DAB1: variants seen among roughly 807,000 people sequenced by gnomAD.
DAB1 encodes the protein disabled homolog 1.
DAB1 carries 15 observed loss-of-function variants against 64.6 expected under a neutral mutation model. The ratio of observed to expected loss-of-function variants is 0.23; its 90% confidence interval spans 0.16 to 0.36. The LOEUF is 0.36. Ranked by LOEUF, DAB1 falls within the 10% of genes least tolerant of loss-of-function variation. The pLI, the probability that DAB1 is intolerant of heterozygous loss-of-function variation, is 1.00. For missense variants in DAB1, 596 were observed against 706.7 expected, an observed-to-expected ratio of 0.84 and a Z score of 1.78; for synonymous variants, 235 against 251.9, an observed-to-expected ratio of 0.93 and a Z score of 0.64.
chr1:57,098,525 T>C (rs72672636), intron 4 of DAB1, among the ~76,000 whole-genome samples: 100 of 152,302 alleles, frequency 6.6e-4, no homozygotes, highest in Non-Finnish European at 1.2e-3. Context: ...ACTTTTTCTA[T>C]TGTCCCTTTG....
At chr1:57,752,203 G>T (rs149543754) in intron 6 of DAB1, among the ~76,000 whole-genome samples, 37 of 152,216 alleles carry the variant, frequency 2.4e-4, no homozygotes, top group Non-Finnish European at 4.3e-4. Context: ...CAAATGGAGA[G>T]TATATTTTTA....
intron 4 of DAB1, among the ~76,000 whole-genome samples, chr1:58,172,212 C>T (rs1269074857): frequency 6.6e-6 from 1 of 152,198 alleles, no homozygotes; most frequent in Non-Finnish European, 1.5e-5. Context: ...GGACAAAACT[C>T]CTCTTTATAT....
intron 3 of DAB1, among the ~76,000 whole-genome samples, chr1:58,377,158 T>C (rs901319603): frequency 4.7e-5 from 7 of 150,518 alleles, no homozygotes; most frequent in African/African-American, 1.5e-4. Context: ...GCCTTTTAAT[T>C]GGAGAATTTA....
At chr1:57,215,047 A>G (rs955708541) in intron 2 of DAB1, among the ~76,000 whole-genome samples, 5 of 152,276 alleles carry the variant, frequency 3.3e-5, no homozygotes, top group Non-Finnish European at 7.4e-5. Context: ...GAGACAATGA[A>G]CTAAATAATC....
chr1:57,195,856 T>A (rs1293169328), intron 2 of DAB1, among the ~76,000 whole-genome samples: 3 of 152,230 alleles, frequency 2.0e-5, no homozygotes, highest in Non-Finnish European at 4.4e-5. Context: ...CTAGAAGTAG[T>A]CTAAGTGCCC....
chr1:57,609,016 G>C (rs1326241358), intron 7 of DAB1, among the ~76,000 whole-genome samples: 2 of 152,154 alleles, frequency 1.3e-5, no homozygotes, highest in Non-Finnish European at 2.9e-5. Context: ...ATAGCAATTT[G>C]AATGCCTGGG....
chr1:57,624,376 A>G (rs1473754639), intron 7 of DAB1, among the ~76,000 whole-genome samples: 2 of 152,166 alleles, frequency 1.3e-5, no homozygotes, highest in African/African-American at 4.8e-5. Flanking sequence ...CTCAGAGTTG[A>G]GTTTCCATAT....
At position 58,538,746 on chromosome 1, in the gene DAB1, T is replaced by G. The variant is rs183603217; in HGVS notation, n.32+7957A>C. ...AAGTTAATACGTTAGCACAAAATAT[T>G]AATGCAAAAAGTTAATATAAAAGTT... On this transcript the variant is annotated intron_variant and non_coding_transcript_variant, in intron 1 of 20. Coordinates refer to the DAB1 transcript ENST00000485760. The G allele has an allele frequency of 5.7e-4, 401 of 708,324 alleles. 4 individuals are homozygous for G. The East Asian group carries it at 9.8e-3, about 17-fold the overall frequency. 43.9% of individuals were successfully genotyped at this position (708,324 alleles called of 1,614,324 possible).
At chr1:58,198,618 T>C (rs946703353) in intron 4 of DAB1, among the ~76,000 whole-genome samples, 1 of 152,236 alleles carries the variant, frequency 6.6e-6, no homozygotes, top group Non-Finnish European at 1.5e-5. Flanking sequence ...CTATTTCTGA[T>C]AGAATTGATT....
At chr1:58,466,230 A>G (rs1645294679) in intron 3 of DAB1, among the ~76,000 whole-genome samples, 1 of 152,062 alleles carries the variant, frequency 6.6e-6, no homozygotes, top group Admixed American at 6.5e-5. Context: ...ACTCCCAGAC[A>G]GCCTTGCCAA....
chr1:57,955,640 G>A (rs1050923212), intron 5 of DAB1, among the ~76,000 whole-genome samples: 4 of 152,054 alleles, frequency 2.6e-5, no homozygotes, highest in Admixed American at 6.6e-5. Flanking sequence ...CTGAAATAGA[G>A]GATACAGCCC....
chr1:58,499,477 T>TATAGATAG (rs60917151), intron 3 of DAB1, among the ~76,000 whole-genome samples: 4,411 of 143,698 alleles, frequency 0.031, 73 homozygotes, highest in Middle Eastern at 0.045. Context: ...AAAGCCAGAC[T>TATAGATAG]ATAGATAGAT....
chr1:58,131,927 C>T (rs934916056), intron 5 of DAB1, among the ~76,000 whole-genome samples: 1 of 150,956 alleles, frequency 6.6e-6, no homozygotes, highest in African/African-American at 2.4e-5. Flanking sequence ...TTGTGCCCTG[C>T]CCCCAGAGGT....
chr1:57,418,611 G>A (rs1019720886), intron 1 of DAB1, among the ~76,000 whole-genome samples: 2 of 152,122 alleles, frequency 1.3e-5, no homozygotes, highest in African/African-American at 2.4e-5. Flanking sequence ...AAGTTAAACA[G>A]CCCGCCTTCA....
intron 5 of DAB1, among the ~76,000 whole-genome samples, chr1:58,034,437 AG>A (rs1647015409): frequency 6.6e-6 from 1 of 152,236 alleles, no homozygotes. Context: ...AGTTCACTCC[AG>A]ATTCCTGACT....
At position 57,695,329 on chromosome 1, in the gene DAB1, A is replaced by C. The variant is rs1646816662; in HGVS notation, n.552-45664T>G. ...GAAAGAAAGAAAGAAAGAAAGAAAG[A>C]AAGAAAGAAAGAAAGAAAGAAAGAA... is the stretch of plus-strand genomic sequence containing the variant. On this transcript the variant is annotated intron_variant and non_coding_transcript_variant, in intron 6 of 20. Transcript: ENST00000485760. Among the ~76,000 whole-genome samples the C allele has an allele frequency of 1.7e-5, 2 of 121,058 alleles. 1 individual carries two copies. Among genetic ancestry groups the C allele is most frequent in the African/African-American group, 6.2e-5 (2 of 32,476 alleles). The allele number at this position is 121,058 out of a possible 152,430, so 79.4% of individuals were successfully genotyped here. A position where few individuals can be genotyped will look rare whatever the true frequency, so the allele number is the denominator to read the frequency against.
chr1:58,025,658 T>C (rs1646882221), intron 5 of DAB1, among the ~76,000 whole-genome samples: 1 of 128,206 alleles, frequency 7.8e-6, no homozygotes, highest in South Asian at 2.4e-4. Context: ...TGTGTATATA[T>C]ATATATATAT....
At chr1:57,617,973 A>T (rs1262590089) in intron 7 of DAB1, among the ~76,000 whole-genome samples, 2 of 152,146 alleles carry the variant, frequency 1.3e-5, no homozygotes, top group African/African-American at 4.8e-5. Flanking sequence ...CAAATAAGGG[A>T]CTATGAGTGT....
chr1:58,069,109 T>A (rs541336374), intron 5 of DAB1, among the ~76,000 whole-genome samples: 1 of 152,328 alleles, frequency 6.6e-6, no homozygotes, highest in African/African-American at 2.4e-5. Context: ...CTTATGTGCA[T>A]CACTCCACAG....
Sources: allele counts gnomAD v4.1 joint callset (sites outside exome capture counted in the v4.1 genomes callset), GRCh38; gene constraint gnomAD v4.1.1; transcripts MANE v1.5; gene names NCBI Gene and HGNC (gene_info 2026-07-23, HGNC 2026-07-21).